Variants in CHD9 observed in about 807,000 individuals in gnomAD.
The protein encoded by CHD9 is ATP-dependent chromatin remodeler CHD9.
In CHD9, 77 loss-of-function variants were observed where a neutral mutation model predicts 316.1. The observed-to-expected ratio is 0.24, with a 90% CI of 0.20 to 0.29. CHD9 has a LOEUF of 0.29. Ranked by LOEUF, CHD9 falls within the 10% of genes least tolerant of loss-of-function variation. The probability of loss-of-function intolerance (pLI) is 1.00; values close to 1 mark genes in which losing one functional copy is unlikely to be tolerated. For missense variants in CHD9, 2,763 were observed against 3,438.1 expected (o/e 0.80, Z 4.91); for synonymous variants, 1,129 against 1,158.3 (o/e 0.97, Z 0.51).
intron 1 of CHD9, among the ~76,000 whole-genome samples, chr16:53,063,401 C>CACACAA (rs1491216402): frequency 2.1e-5 from 3 of 146,304 alleles, no homozygotes; most frequent in African/African-American, 7.7e-5. Context: ...CACACACACA[C>CACACAA]AAAATGTGAA....
intron 27 of CHD9, 150 bp from the exon 28 acceptor site, chr16:53,291,575 G>A: frequency 1.9e-6 from 1 of 539,048 alleles, no homozygotes; most frequent in East Asian, 3.4e-5. Flanking sequence ...AGAATAAGCA[G>A]TTGAAAGTTT....
rs2051804638 is a variant in CHD9, at chr16:53,267,412, T to C, written c.4439T>C (p.Leu1480Pro). 6.2e-7 allele frequency: 1 copy of C among 1,613,184 alleles called. No homozygotes were observed. The highest frequency in any genetic ancestry group is 8.5e-7 in the Non-Finnish European group (1 of 1,179,386). Reference protein sequence around the residue: ...AESEGDEKPKLRRPCDRSNGY... With the variant: ...AESEGDEKPKPRRPCDRSNGY... ...AGTGAAGGAGATGAAAAGCCCAAAC[T>C]CCGGAGACCCTGTGACCGTTCCAAT... Residue 1480 changes from leucine (L) to proline (P), a missense_variant, in exon 21 of 39, where the codon CTC (leucine) becomes CCC (proline). Coordinates refer to ENST00000447540, the MANE Select transcript of CHD9 (RefSeq NM_001308319.2).
chr16:53,181,073 C>T (rs1269988120), intron 2 of CHD9, among the ~76,000 whole-genome samples: 2 of 151,204 alleles, frequency 1.3e-5, no homozygotes, highest in Non-Finnish European at 2.9e-5. Context: ...TGCAATGGTC[C>T]GATCTCAGCT....
In CHD9 at chr16:53,310,324, CT is replaced by C. The variant is rs959346440; in HGVS notation, c.7222+1481del. On this transcript the variant is annotated intron_variant, in intron 34 of 38. Coordinates refer to ENST00000447540, the MANE Select transcript of CHD9 (RefSeq NM_001308319.2). ...TAACAATTTTGTTATCAAAGGAGCC[CT>C]TTTTTTTTTTCACCAGAAAATGGTA... Among the ~76,000 whole-genome samples, 107 of 146,618 alleles carry C rather than the reference CT, an allele frequency of 7.3e-4. 1 individual carries two copies. Among genetic ancestry groups the C allele is most frequent in the Middle Eastern group, 3.5e-3 (1 of 284 alleles).
chr16:53,146,419 G>GTGTATGTATATATATATATATATATA (rs1555492145), intron 1 of CHD9, among the ~76,000 whole-genome samples: 1 of 76,714 alleles, frequency 1.3e-5, no homozygotes, highest in Admixed American at 1.8e-4. Flanking sequence ...GTGTGTGTAT[G>GTGTATGTATATATATATATATATATA]TATATATATA....
intron 1 of CHD9, among the ~76,000 whole-genome samples, chr16:53,147,203 A>G (rs2040704203): frequency 6.6e-6 from 1 of 152,190 alleles, no homozygotes; most frequent in African/African-American, 2.4e-5. Context: ...AAATAATGAC[A>G]TTTTAGAAAG....
intron 1 of CHD9, among the ~76,000 whole-genome samples, chr16:53,084,482 T>G (rs1283239282): frequency 6.6e-6 from 1 of 152,160 alleles, no homozygotes; most frequent in African/African-American, 2.4e-5. Flanking sequence ...CGGTGGCTCA[T>G]GCCTATAATC....
chr16:53,074,132 CTCTTCT>C (rs1343838581), intron 1 of CHD9, among the ~76,000 whole-genome samples: 1 of 152,146 alleles, frequency 6.6e-6, no homozygotes, highest in African/African-American at 2.4e-5. Flanking sequence ...GCAAAGGTGA[CTCTTCT>C]TTATGTTTTA....
intron 4 of CHD9, among the ~76,000 whole-genome samples, chr16:53,223,800 A>T (rs1487520037): frequency 6.6e-6 from 1 of 151,956 alleles, no homozygotes; most frequent in African/African-American, 2.4e-5. Flanking sequence ...ATATTTTCTA[A>T]TAGTTATAAA....
chr16:53,130,613 C>T (rs1395928223), intron 1 of CHD9, among the ~76,000 whole-genome samples: 3 of 151,210 alleles, frequency 2.0e-5, no homozygotes, highest in Non-Finnish European at 4.4e-5. Context: ...GGCCCCAAGC[C>T]TTCCCCGCCC....
intron 18 of CHD9, 72 bp from the exon 19 acceptor site, chr16:53,255,528 T>A: frequency 3.6e-6 from 5 of 1,373,690 alleles, no homozygotes; most frequent in Middle Eastern, 1.9e-4. Context: ...TTCTTTGACA[T>A]CCTTTAGGGA....
At chr16:53,227,506 G>C (rs2047757385) in intron 6 of CHD9, 42 bp downstream of exon 6, 2 of 1,479,142 alleles carry the variant, frequency 1.4e-6, no homozygotes, top group Admixed American at 4.3e-5. Context: ...ATATTCTGTG[G>C]CCTGTTTAAA....
chr16:53,081,441 A>G (rs974469886), intron 1 of CHD9, among the ~76,000 whole-genome samples: 1 of 152,232 alleles, frequency 6.6e-6, no homozygotes, highest in Non-Finnish European at 1.5e-5. Flanking sequence ...CAACACATCA[A>G]ACCTGCAGTT....
At chr16:53,122,561 T>G (rs79811792) in intron 1 of CHD9, among the ~76,000 whole-genome samples, 1 of 151,260 alleles carries the variant, frequency 6.6e-6, no homozygotes, top group Non-Finnish European at 1.5e-5. Context: ...TTTTTTTTTT[T>G]TGAGACAGAG....
intron 12 of CHD9, among the ~76,000 whole-genome samples, chr16:53,241,802 C>T (rs1263780791): frequency 2.0e-5 from 3 of 152,164 alleles, no homozygotes; most frequent in Non-Finnish European, 2.9e-5. Flanking sequence ...TCTCCATGAT[C>T]CTGTCCTTGG....
chr16:53,063,606 C>T (rs2033186927), intron 1 of CHD9, among the ~76,000 whole-genome samples: 1 of 151,980 alleles, frequency 6.6e-6, no homozygotes, highest in Non-Finnish European at 1.5e-5. Flanking sequence ...AATCTTGGCT[C>T]ACTGCAAGCT....
chr16:53,146,217 C>A (rs1432368342), intron 1 of CHD9, among the ~76,000 whole-genome samples: 5 of 128,936 alleles, frequency 3.9e-5, no homozygotes, highest in Non-Finnish European at 4.9e-5. Context: ...GAAACCCCGT[C>A]TCTACTAAAA....
chr16:53,268,096 G>A lies in CHD9; in HGVS notation c.4687G>A (p.Gly1563Arg), dbSNP rs1306206354. 6.2e-7 allele frequency: 1 copy of A among 1,610,942 alleles called. No individual in the cohort carries two copies. Among genetic ancestry groups the A allele is most frequent in the East Asian group, 2.2e-5 (1 of 44,732 alleles). ...IWDLITPTED[G>R]QTRELQNHLG... is the part of the protein sequence containing the mutation. ...GGATCTCATTACTCCAACTGAAGAT[G>A]GACAGACACGAGAGCTACAGAATCA... Residue 1563 changes from glycine (G) to arginine (R), a missense_variant, in exon 22 of 39, where the codon GGA becomes AGA. By Grantham distance (125) the Gly-to-Arg change is moderately radical. Around this residue, in one of 15 missense-constraint regions of CHD9, gnomAD observed 99 missense variants for 131.6 expected, o/e 0.75. Coordinates refer to ENST00000447540, the MANE Select transcript of CHD9 (RefSeq NM_001308319.2).
At position 53,277,157 on chromosome 16, in the gene CHD9, C is replaced by T. The variant is rs917523493; in HGVS notation, c.4967+2855C>T. Among the ~76,000 whole-genome samples, 18 of 152,126 alleles carry T rather than the reference C, an allele frequency of 1.2e-4. No individual in the cohort carries two copies. In the South Asian group the frequency reaches 1.4e-3, roughly 12 times the overall value. ...AAAAGTCTAGGACCAGATGGATTAA[C>T]AGCTGAATTCTACCAGACATTCAAA... On this transcript the variant is annotated intron_variant, in intron 24 of 38. Coordinates refer to ENST00000447540, the MANE Select transcript of CHD9 (RefSeq NM_001308319.2).
Sources: gnomAD v4.1 joint callset for allele counts (sites outside exome capture counted in the v4.1 genomes callset) on GRCh38, gnomAD v4.1.1 for gene constraint, gnomAD v4.1.1 regional missense constraint, MANE v1.5 for transcripts, NCBI Gene and HGNC (gene_info 2026-07-23, HGNC 2026-07-21) for gene names.